R3HDM4: variants seen among roughly 807,000 people sequenced by gnomAD.
The protein encoded by R3HDM4 is R3H domain-containing protein 4.
In R3HDM4, 30 loss-of-function variants were observed where a neutral mutation model predicts 31.3. That is an observed-to-expected ratio of 0.96 (90% confidence interval 0.72 to 1.30). The LOEUF is 1.30. Ranked by LOEUF, R3HDM4 falls within the 50% of genes most tolerant of loss-of-function variation. The probability of loss-of-function intolerance (pLI) is 0.00; values close to 1 mark genes in which losing one functional copy is unlikely to be tolerated. For missense variants in R3HDM4, 444 were observed against 366.1 expected (o/e 1.21, Z -1.74); for synonymous variants, 196 against 156.6 (o/e 1.25, Z -1.88).
chr19:904,407 G>A (rs2036877651), intron 1 of R3HDM4, among the ~76,000 whole-genome samples: 1 of 152,098 alleles, frequency 6.6e-6, no homozygotes, highest in Non-Finnish European at 1.5e-5. Context: ...GTGATTCCAA[G>A]AGAGCCCACA....
chr19:909,982 C>G lies in R3HDM4; in HGVS notation c.71+3105G>C, dbSNP rs150698476. ...GGTGGATTCCTTGAGTCGAGGAGTTCGAGACCAGCCTAGGCAACATAGTAA... is the reference window on the plus strand; with the variant it reads ...GGTGGATTCCTTGAGTCGAGGAGTTGGAGACCAGCCTAGGCAACATAGTAA... On this transcript the variant is annotated intron_variant, in intron 1 of 7. Coordinates refer to ENST00000361574, the MANE Select transcript of R3HDM4 (RefSeq NM_138774.4). Among the ~76,000 whole-genome samples the G allele has an allele frequency of 1.7e-3, 254 of 151,822 alleles. 1 individual carries two copies. Among genetic ancestry groups the G allele is most frequent in the Middle Eastern group, 0.01 (3 of 294 alleles).
chr19:903,563 A>AG (rs964483989), intron 1 of R3HDM4, among the ~76,000 whole-genome samples: 40 of 151,392 alleles, frequency 2.6e-4, no homozygotes, highest in Middle Eastern at 3.4e-3. Flanking sequence ...CGGGCCGGTG[A>AG]GGGGGGGCCT....
chr19:898,931 C>T (rs911747410), intron 7 of R3HDM4, among the ~76,000 whole-genome samples: 5 of 152,164 alleles, frequency 3.3e-5, no homozygotes, highest in African/African-American at 1.2e-4. Flanking sequence ...GGCTCAGGAC[C>T]AGATGGGGTG....
intron 7 of R3HDM4, among the ~76,000 whole-genome samples, chr19:898,974 C>T (rs1226054469): frequency 6.6e-6 from 1 of 152,182 alleles, no homozygotes; most frequent in Admixed American, 6.5e-5. Flanking sequence ...CAGACGTTCA[C>T]TACGGGGGTG....
At chr19:901,768 G>GGCCCCCCCCCCC in intron 2 of R3HDM4, 2 of 727,292 alleles carry the variant, frequency 2.7e-6, no homozygotes, top group Non-Finnish European at 4.5e-6. Flanking sequence ...TGCCCGGGGC[G>GGCCCCCCCCCCC]CCCTCCCACC....
chr19:898,290 A>G (rs967606273), intron 7 of R3HDM4, among the ~76,000 whole-genome samples: 1 of 150,236 alleles, frequency 6.7e-6, no homozygotes, highest in African/African-American at 2.4e-5. Flanking sequence ...CTGTAGTCCC[A>G]GCTACTCGGG....
At chr19:905,285 T>G (rs2036888531) in intron 1 of R3HDM4, among the ~76,000 whole-genome samples, 1 of 150,972 alleles carries the variant, frequency 6.6e-6, no homozygotes, top group Non-Finnish European at 1.5e-5. Context: ...TCTCCTGAGG[T>G]CGGGAGTTCG....
chr19:906,380 T>C (rs1357134246), intron 1 of R3HDM4, among the ~76,000 whole-genome samples: 5 of 151,910 alleles, frequency 3.3e-5, no homozygotes, highest in Non-Finnish European at 7.4e-5. Flanking sequence ...CCACCACGCC[T>C]GGCTAATTTT....
At chr19:909,372 G>T (rs999226952) in intron 1 of R3HDM4, among the ~76,000 whole-genome samples, 16 of 152,152 alleles carry the variant, frequency 1.1e-4, no homozygotes, top group Non-Finnish European at 2.1e-4. Flanking sequence ...GGGGCAGACT[G>T]CGGCGGCCCC....
intron 1 of R3HDM4, among the ~76,000 whole-genome samples, chr19:911,678 G>C (rs945814784): frequency 1.3e-5 from 2 of 152,166 alleles, no homozygotes; most frequent in South Asian, 4.1e-4. Context: ...AACGGAACAC[G>C]CGCCGCCTCC....
At chr19:911,198 C>A (rs1373500475) in intron 1 of R3HDM4, among the ~76,000 whole-genome samples, 1 of 152,140 alleles carries the variant, frequency 6.6e-6, no homozygotes, top group Admixed American at 6.5e-5. Flanking sequence ...GTAATCCCAG[C>A]ACTTTGGGAG....
intron 1 of R3HDM4, among the ~76,000 whole-genome samples, chr19:903,398 G>A (rs1459080641): frequency 6.6e-6 from 1 of 152,230 alleles, no homozygotes; most frequent in South Asian, 2.1e-4. Context: ...TCCAAGGGCC[G>A]AGCCACTCAG....
intron 1 of R3HDM4, among the ~76,000 whole-genome samples, chr19:910,922 A>C (rs573058431): frequency 5.0e-4 from 76 of 151,760 alleles, no homozygotes; most frequent in Admixed American, 3.3e-3. Flanking sequence ...GATCGAGACC[A>C]TCCTGGCTCA....
intron 1 of R3HDM4, among the ~76,000 whole-genome samples, chr19:911,120 C>CA (rs1015595675): frequency 1.3e-5 from 2 of 150,156 alleles, no homozygotes; most frequent in African/African-American, 2.5e-5. Context: ...GACTCTGTCT[C>CA]AAAAAAATAA....
At chr19:901,388 C>T (rs753108693) in intron 3 of R3HDM4, 34 bp downstream of exon 3, 7 of 1,589,212 alleles carry the variant, frequency 4.4e-6, no homozygotes, top group East Asian at 2.3e-5. Flanking sequence ...CCGGGGTCCC[C>T]GTGTGGAGGG....
chr19:902,231 G>A (rs2036847468), intron 1 of R3HDM4, 101 bp from the exon 2 acceptor site: 1 of 1,352,580 alleles, frequency 7.4e-7, no homozygotes, highest in Admixed American at 1.8e-5. Flanking sequence ...CCCCAGCAAT[G>A]GAGAGCTCAC....
intron 1 of R3HDM4, among the ~76,000 whole-genome samples, chr19:905,608 C>T (rs369708304): frequency 4.6e-5 from 7 of 150,602 alleles, no homozygotes; most frequent in African/African-American, 1.7e-4. Flanking sequence ...TCACTTGAAC[C>T]TGGGAGGTGG....
At chr19:905,436 C>A (rs1233861595) in intron 1 of R3HDM4, among the ~76,000 whole-genome samples, 1 of 147,630 alleles carries the variant, frequency 6.8e-6, no homozygotes, top group Non-Finnish European at 1.5e-5. Flanking sequence ...ACCCAGGAGA[C>A]GGAGGTTGCG....
At position 901,990 on chromosome 19, in the gene R3HDM4, T is replaced by C; in HGVS notation, c.212A>G (p.Gln71Arg). 1 of 1,613,780 alleles carries C rather than the reference T, an allele frequency of 6.2e-7. No homozygotes were observed. The highest frequency in any genetic ancestry group is 2.2e-5 in the East Asian group (1 of 44,890). Reference sequence around the variant, plus strand: ...CCCCTGCTCACTGTTCTCCAGGCGCTGGAGGCTCTTCCGCCCCTTGGCCTT... The same window carrying C: ...CCCCTGCTCACTGTTCTCCAGGCGCCGGAGGCTCTTCCGCCCCTTGGCCTT... ...VPKAKGRKSL[Q>R]RLENTQYLLT... Residue 71 changes from glutamine to arginine, a missense_variant, in exon 2 of 8, where the codon CAG (glutamine) becomes CGG (arginine). Coordinates refer to ENST00000361574, the MANE Select transcript of R3HDM4 (RefSeq NM_138774.4).
Sources: gnomAD v4.1 joint callset for allele counts (sites outside exome capture counted in the v4.1 genomes callset) on GRCh38, gnomAD v4.1.1 for gene constraint, MANE v1.5 for transcripts, NCBI Gene and HGNC (gene_info 2026-07-23, HGNC 2026-07-21) for gene names.